Variants in TLN1 observed in about 807,000 individuals in gnomAD.
TLN1 encodes talin-1.
Under a neutral mutation model 292.3 loss-of-function variants are expected in TLN1, and 56 were observed. That is an observed-to-expected ratio of 0.19 (90% CI 0.15 to 0.24). TLN1 has a LOEUF of 0.24. TLN1 is among the 10% of genes least tolerant of loss of function. TLN1 has a pLI of 1.00. For synonymous variants in TLN1, 1,119 were observed against 1,253.7 expected, an observed-to-expected ratio of 0.89 and a Z score of 2.27; for missense variants, 2,433 against 3,248.2, an observed-to-expected ratio of 0.75 and a Z score of 6.10.
intron 48 of TLN1, among the ~76,000 whole-genome samples, chr9:35,701,155 C>A (rs6476490): frequency 0.067 from 10,210 of 152,072 alleles, 733 homozygotes; most frequent in African/African-American, 0.18. Context: ...GAGCCTGCAG[C>A]AGATAAGAGC....
intron 17 of TLN1, among the ~76,000 whole-genome samples, chr9:35,718,119 A>G (rs2131900205): frequency 1.3e-5 from 2 of 152,250 alleles, no homozygotes; most frequent in East Asian, 3.9e-4. Context: ...GGATCCCTCC[A>G]CCCCCAGCTT....
chr9:35,698,997 T>C lies in TLN1; in HGVS notation c.6999+35A>G, dbSNP rs1477415612. ...AGAGATGAAGGTGGGGACACTGCCA[T>C]GGTGAGGGTGGAAGAGGAAGGGAGC... On this transcript the variant is annotated intron_variant, in intron 52 of 56. Transcript: ENST00000314888. This position sits in a 1 kb window ranked among gnomAD's most constrained non-coding sequence, Gnocchi z 5.3. 6.2e-7 allele frequency: 1 copy of C among 1,608,624 alleles called. No homozygotes were observed. Among genetic ancestry groups the C allele is most frequent in the Non-Finnish European group, 8.5e-7 (1 of 1,175,460 alleles).
chr9:35,723,796 G>T, intron 7 of TLN1, 156 bp downstream of exon 7: 1 of 1,099,590 alleles, frequency 9.1e-7, no homozygotes, highest in Non-Finnish European at 1.3e-6. Flanking sequence ...AGAGACAATG[G>T]ATGATGGCAA....
At position 35,704,744 on chromosome 9, in the gene TLN1, G is replaced by T; in HGVS notation, c.5805C>A (p.Gly1935=). The change falls in exon 44 of 57, where the codon GGC becomes GGA. Residue 1935 remains glycine (G), a synonymous_variant. Transcript: ENST00000314888. This position sits in a 1 kb window ranked among gnomAD's most constrained non-coding sequence, Gnocchi z 6.9. ...HGCAALVTKA[G]ALQCSPSDAY... ...CATCACTGGGGCTGCACTGCAGGGCGCCTGCCTTGGTGACCAGAGCGGCAC... is the reference window on the plus strand; with the variant it reads ...CATCACTGGGGCTGCACTGCAGGGCTCCTGCCTTGGTGACCAGAGCGGCAC... The T allele has an allele frequency of 6.2e-7, 1 of 1,614,166 alleles. No homozygotes were observed. The highest frequency in any genetic ancestry group is 8.5e-7 in the Non-Finnish European group (1 of 1,180,034).
At chr9:35,723,914 CCT>C in intron 7 of TLN1, 36 bp downstream of exon 7, 1 of 1,610,976 alleles carries the variant, frequency 6.2e-7, no homozygotes, top group Non-Finnish European at 8.5e-7. Flanking sequence ...GGCAGGGAGT[CCT>C]GGGCCCTGAC....
rs1457289478 is a variant in TLN1 at position 35,699,517 on chromosome 9, T to G, written c.6769-56A>C. The G allele has an allele frequency of 5.1e-6, 8 of 1,564,430 alleles. No individual in the cohort carries two copies. The Admixed American group carries it at 9.2e-5, about 18-fold the overall frequency. On this transcript the variant is annotated intron_variant, in intron 50 of 56. Coordinates refer to ENST00000314888, the MANE Select transcript of TLN1 (RefSeq NM_006289.4). This position sits in a 1 kb window ranked among gnomAD's most constrained non-coding sequence, Gnocchi z 4.0. ...CATCACATCTTAGGGTCTACCCTGA[T>G]CTATGAAATAGGGCAGACCATGGCC...
Position 35,724,116 on chromosome 9 carries a change from T to C in TLN1, c.655-37A>G. On this transcript the variant is annotated intron_variant, in intron 6 of 56. Coordinates refer to ENST00000314888, the MANE Select transcript of TLN1 (RefSeq NM_006289.4). This position sits in a 1 kb window ranked among gnomAD's most constrained non-coding sequence, Gnocchi z 4.7. ...AGGGCAAGGAGGCGAATGTTGTGTG[T>C]GGGTGCAAGGACACGCACACTGTGC... The C allele has an allele frequency of 6.2e-7, 1 of 1,612,634 alleles. No individual in the cohort carries two copies. The highest frequency in any genetic ancestry group is 1.3e-5 in the African/African-American group (1 of 74,986).
In TLN1 at chr9:35,704,769, C is replaced by G; in HGVS notation, c.5780G>C (p.Cys1927Ser). The G allele has an allele frequency of 6.2e-7, 1 of 1,614,194 alleles. No homozygotes were observed. Among genetic ancestry groups the G allele is most frequent in the South Asian group, 1.1e-5 (1 of 91,082 alleles). The change falls in exon 44 of 57, where the codon TGT (cysteine) becomes TCT (serine). Residue 1927 changes from cysteine to serine, a missense_variant. Coordinates refer to ENST00000314888, the MANE Select transcript of TLN1 (RefSeq NM_006289.4). The surrounding 1 kb of genome is among the most constrained non-coding windows in gnomAD (Gnocchi z 6.9). Reference protein sequence around the residue: ...KHRVQELGHGCAALVTKAGAL... With the variant: ...KHRVQELGHGSAALVTKAGAL... ...GCCTGCCTTGGTGACCAGAGCGGCA[C>G]AGCCATGGCCCAGCTCCTGTACCCG...
At position 35,710,608 on chromosome 9, in the gene TLN1, A is replaced by G; in HGVS notation, c.4279T>C (p.Ser1427Pro). The G allele has an allele frequency of 6.2e-7, 1 of 1,614,130 alleles. No individual in the cohort carries two copies. Among genetic ancestry groups the G allele is most frequent in the Admixed American group, 1.7e-5 (1 of 60,034 alleles). Residue 1427 changes from serine to proline, a missense_variant, in exon 33 of 57, where the codon TCC becomes CCC. Physicochemically the swap from Ser to Pro is moderately conservative, Grantham distance 74. Around this residue, in one of 7 missense-constraint regions of TLN1, gnomAD observed 1,384 missense variants for 1,699.6 expected, o/e 0.81. Coordinates refer to ENST00000314888, the MANE Select transcript of TLN1 (RefSeq NM_006289.4). Reference sequence around the variant, plus strand: ...CCACAAAGTGCCTTTGAGGCTGTGGAAATGGCATCTCCAAACTCTGGCAGG... The same window carrying G: ...CCACAAAGTGCCTTTGAGGCTGTGGGAATGGCATCTCCAAACTCTGGCAGG... The part of the protein sequence containing the change: ...GNLPEFGDAI[S>P]TASKALCGFT...
chr9:35,700,066 G>T lies in TLN1; in HGVS notation c.6676C>A (p.Pro2226Thr). 4 of 1,612,580 alleles carry T rather than the reference G, an allele frequency of 2.5e-6. No homozygotes were observed. The highest frequency in any genetic ancestry group is 3.4e-6 in the Non-Finnish European group (4 of 1,178,906). Residue 2226 changes from proline to threonine, a missense_variant, in exon 50 of 57, where the codon CCA (proline) becomes ACA (threonine). By Grantham distance (38) the Pro-to-Thr change is conservative. Around this residue, in one of 7 missense-constraint regions of TLN1, gnomAD observed 1,384 missense variants for 1,699.6 expected, o/e 0.81. Coordinates refer to ENST00000314888, the MANE Select transcript of TLN1 (RefSeq NM_006289.4). ...AGCCGCACATCAGGGGCCACTTCTGGGTGGTAAGCTGCTTCCTGTCCCCAG... is the reference window on the plus strand; with the variant it reads ...AGCCGCACATCAGGGGCCACTTCTGTGTGGTAAGCTGCTTCCTGTCCCCAG... ...LRACKEAAYH[P>T]EVAPDVRLRA...
intron 1 of TLN1, among the ~76,000 whole-genome samples, chr9:35,730,905 C>A (rs1049873626): frequency 5.3e-5 from 8 of 152,132 alleles, no homozygotes; most frequent in Non-Finnish European, 8.8e-5. Context: ...TAGTCATCAG[C>A]TCCTTCTTCC....
chr9:35,703,495 G>C (rs1181812525), intron 48 of TLN1, 65 bp downstream of exon 48: 100 of 1,439,120 alleles, frequency 6.9e-5, no homozygotes, highest in Non-Finnish European at 2.1e-5. Context: ...GTGTGGCACA[G>C]GTTCACAGGC....
rs1302065065 is a variant in TLN1, at chr9:35,713,974, A to C, written c.3228T>G (p.Leu1076=). 1 of 1,614,164 alleles carries C rather than the reference A, an allele frequency of 6.2e-7. No individual in the cohort carries two copies. The highest frequency in any genetic ancestry group is 8.5e-7 in the Non-Finnish European group (1 of 1,180,028). ...TTACTGTCTCCCCAGGTAAGGGTTT[A>C]AGCTTGCCATCTCGAGCTGCTGCCT... ...EVKAAARDGK[L]KPLPGETMEK... The change falls in exon 25 of 57, where the codon CTT becomes CTG. Residue 1076 remains leucine (L), a synonymous_variant. Transcript: ENST00000314888.
chr9:35,720,633 T>TTC (rs1825864726), intron 11 of TLN1, 124 bp from the exon 12 acceptor site: 1 of 1,036,724 alleles, frequency 9.6e-7, no homozygotes, highest in Non-Finnish European at 1.4e-6. Flanking sequence ...CTTTTTCTTT[T>TTC]TTTTTTTTTT....
At position 35,698,027 on chromosome 9, in the gene TLN1, T is replaced by G. The variant is rs759004835; in HGVS notation, c.7500+17A>C. The G allele has an allele frequency of 1.2e-6, 2 of 1,614,040 alleles. No homozygotes were observed. The highest frequency in any genetic ancestry group is 1.7e-6 in the Non-Finnish European group (2 of 1,180,018). On this transcript the variant is annotated intron_variant, in intron 56 of 56. Transcript: ENST00000314888. The surrounding 1 kb of genome is among the most constrained non-coding windows in gnomAD (Gnocchi z 5.3). ...GCCCTCCTGACAGCGTCCCTCAGCA[T>G]CTGGGGTGAAGCTCACCTGGGCAAT... is the stretch of plus-strand genomic sequence containing the variant.
rs962582713 is a variant in TLN1, at chr9:35,699,287, C to T, written c.6874+69G>A. 13 of 1,564,792 alleles carry T rather than the reference C, an allele frequency of 8.3e-6. No individual in the cohort carries two copies. In the African/African-American group the frequency reaches 9.5e-5, roughly 11 times the overall value. ...GGTCAGAGGCTAGCACAGAGCTGTC[C>T]AGCCAGGAAGCAGAGATCACACCAT... On this transcript the variant is annotated intron_variant, in intron 51 of 56. Transcript: ENST00000314888. This position sits in a 1 kb window ranked among gnomAD's most constrained non-coding sequence, Gnocchi z 4.0.
At chr9:35,700,102 T>C in intron 49 of TLN1, 21 bp from the exon 50 acceptor site, 1 of 1,604,024 alleles carries the variant, frequency 6.2e-7, no homozygotes, top group African/African-American at 1.3e-5. Context: ...AGTAATATGT[T>C]AGCTTTAGGC....
rs143329643 is a variant in TLN1, at chr9:35,723,452, T to A, written c.782+500A>T. 1,382 of 186,234 alleles carry A rather than the reference T, an allele frequency of 7.4e-3. 6 individuals are homozygous for A. Among genetic ancestry groups the A allele is most frequent in the Non-Finnish European group, 0.01 (934 of 89,676 alleles). The allele number at this position is 186,234 out of a possible 1,614,324, so 11.5% of individuals were successfully genotyped here. On this transcript the variant is annotated intron_variant, in intron 7 of 56. Coordinates refer to ENST00000314888, the MANE Select transcript of TLN1 (RefSeq NM_006289.4). ...TGTCTCTCCCTGTAGGGAAAGGGAC[T>A]GAGGAAAATTAAGTTAGAGGCTCAG...
In TLN1 at chr9:35,700,353, A is replaced by G; in HGVS notation, c.6498T>C (p.Pro2166=). The G allele has an allele frequency of 1.2e-6, 2 of 1,602,538 alleles. No homozygotes were observed. The highest frequency in any genetic ancestry group is 4.5e-5 in the East Asian group (2 of 44,540). The change falls in exon 49 of 57, where the codon CCT becomes CCC. Residue 2166 remains proline (P), a synonymous_variant. Transcript: ENST00000314888. The part of the protein sequence containing the change: ...ELAVFCSPEP[P]AKTSTPEDFI... ...AGTCTTCTGGGGTAGAGGTCTTGGC[A>G]GGTGGCTCTGGGGAACAGAAAACCT...
Sources: gnomAD v4.1 joint callset for allele counts (sites outside exome capture counted in the v4.1 genomes callset) on GRCh38, gnomAD v4.1.1 for gene constraint, gnomAD v4.1.1 regional missense constraint, Gnocchi (gnomAD v3.1) non-coding constraint, MANE v1.5 for transcripts, NCBI Gene and HGNC (gene_info 2026-07-23, HGNC 2026-07-21) for gene names.